Variants in MAP3K4 observed in about 807,000 individuals in gnomAD.
The protein encoded by MAP3K4 is MAP three kinase 1.
A neutral mutation model predicts 185.6 loss-of-function variants in MAP3K4; 67 were observed. The ratio of observed to expected loss-of-function variants is 0.36; its 90% CI spans 0.30 to 0.44. The LOEUF is 0.44. Among genes scored for constraint, MAP3K4 ranks in the 20% least tolerant of loss-of-function variants. The pLI, the probability that MAP3K4 is intolerant of heterozygous loss-of-function variation, is 1.00. For synonymous variants in MAP3K4, 702 were observed against 710.4 expected (o/e 0.99, Z 0.19); for missense variants, 1,551 against 1,995.1 (o/e 0.78, Z 4.24).
chr6:161,041,928 T>TC (rs1468570336), intron 2 of MAP3K4, among the ~76,000 whole-genome samples: 4 of 134,780 alleles, frequency 3.0e-5, no homozygotes, highest in Non-Finnish European at 6.3e-5. Flanking sequence ...TTTTTTTTCT[T>TC]TTTTTTTTTT....
intron 6 of MAP3K4, among the ~76,000 whole-genome samples, chr6:161,081,531 T>C (rs552749942): frequency 4.6e-5 from 7 of 152,308 alleles, no homozygotes; most frequent in Non-Finnish European, 8.8e-5. Flanking sequence ...ACTGCCACTG[T>C]TTGGGGAATG....
Position 161,061,209 on chromosome 6 carries a change from AC to A in MAP3K4, c.1708-9397del, listed in dbSNP as rs1784473318. Among the ~76,000 whole-genome samples, 1 of 152,232 alleles carries A rather than the reference AC, an allele frequency of 6.6e-6. No homozygotes were observed. The highest frequency in any genetic ancestry group is 1.5e-5 in the Non-Finnish European group (1 of 68,036). On this transcript the variant is annotated intron_variant, in intron 3 of 26. Coordinates refer to ENST00000392142, the MANE Select transcript of MAP3K4 (RefSeq NM_005922.4). The surrounding 1 kb of genome is among the most constrained non-coding windows in gnomAD (Gnocchi z 4.2). ...ATTGAGAAGCCCAATGTTCTGTGATACCAGGTGTGACAGAATATCAGATACT... is the reference window on the plus strand; with the variant it reads ...ATTGAGAAGCCCAATGTTCTGTGATACAGGTGTGACAGAATATCAGATACT...
chr6:161,018,354 A>G (rs1215886889), intron 1 of MAP3K4, among the ~76,000 whole-genome samples: 1 of 152,198 alleles, frequency 6.6e-6, no homozygotes, highest in East Asian at 1.9e-4. Flanking sequence ...GAGCTGTGAA[A>G]AGTTTGCAGA....
chr6:161,010,885 C>A (rs1355632312), intron 1 of MAP3K4, among the ~76,000 whole-genome samples: 1 of 151,832 alleles, frequency 6.6e-6, no homozygotes, highest in African/African-American at 2.4e-5. Context: ...TTTGGGTGTG[C>A]TTTTTTTTGA....
chr6:161,050,005 A>G (rs780754973), intron 3 of MAP3K4, 26 bp downstream of exon 3: 1 of 1,552,072 alleles, frequency 6.4e-7, no homozygotes, highest in East Asian at 2.2e-5. Flanking sequence ...GTATTAATAC[A>G]ATGATATCCT....
At chr6:161,025,728 C>A (rs994861706) in intron 1 of MAP3K4, among the ~76,000 whole-genome samples, 1 of 152,096 alleles carries the variant, frequency 6.6e-6, no homozygotes, top group African/African-American at 2.4e-5. Flanking sequence ...TTCTTATTTG[C>A]GAGAAGAGTG....
rs1777815332 is a variant in MAP3K4, at chr6:161,100,944, A to G, written c.3675-948A>G. 1 of 152,192 alleles carries G rather than the reference A, an allele frequency of 6.6e-6. No individual in the cohort carries two copies. The highest frequency in any genetic ancestry group is 2.1e-4 in the South Asian group (1 of 4,828). The allele number at this position is 152,192 out of a possible 1,614,324, so 9.4% of individuals were successfully genotyped here. ...ATACTAGATTTGAGGGCTTAGGGAA[A>G]TACCAGAAAAAAATGCATATTTTAT... On this transcript the variant is annotated intron_variant, in intron 17 of 26. Coordinates refer to ENST00000392142, the MANE Select transcript of MAP3K4 (RefSeq NM_005922.4). This position sits in a 1 kb window ranked among gnomAD's most constrained non-coding sequence, Gnocchi z 5.8.
At position 161,049,969 on chromosome 6, in the gene MAP3K4, G is replaced by A. The variant is rs55765351; in HGVS notation, c.1697G>A (p.Arg566His). 7.5e-6 allele frequency: 12 copies of A among 1,603,100 alleles called. No homozygotes were observed. Among genetic ancestry groups the A allele is most frequent in the South Asian group, 6.7e-5 (6 of 88,962 alleles). The part of the protein sequence containing the change: ...RARIALVKND[R>H]PVEFSEFPDP... ...CGTATAGCATTGGTAAAGAACGATCGTCCAGTGGAGGTAGGTTTCCAGTAG... is the reference window on the plus strand; with the variant it reads ...CGTATAGCATTGGTAAAGAACGATCATCCAGTGGAGGTAGGTTTCCAGTAG... The change falls in exon 3 of 27, where the codon CGT (arginine) becomes CAT (histidine). Residue 566 changes from arginine (R) to histidine (H), a missense_variant. This residue lies in a region of MAP3K4 where 86 missense variants were observed against 81.6 expected (regional missense o/e 1.05). Coordinates refer to ENST00000392142, the MANE Select transcript of MAP3K4 (RefSeq NM_005922.4). This position sits in a 1 kb window ranked among gnomAD's most constrained non-coding sequence, Gnocchi z 8.4.
chr6:161,066,113 T>G (rs1438008699), intron 3 of MAP3K4, among the ~76,000 whole-genome samples: 1 of 152,124 alleles, frequency 6.6e-6, no homozygotes, highest in Non-Finnish European at 1.5e-5. Flanking sequence ...TTCTCTTTGT[T>G]TGCTATTTTT....
In MAP3K4 at chr6:160,991,775, C is replaced by A; in HGVS notation, c.-157C>A. 1.3e-6 allele frequency: 1 copy of A among 798,826 alleles called. No homozygotes were observed. Among genetic ancestry groups the A allele is most frequent in the Non-Finnish European group, 1.8e-6 (1 of 564,698 alleles). The allele number at this position is 798,826 out of a possible 1,614,324, so 49.5% of individuals were successfully genotyped here. A position where few individuals can be genotyped will look rare whatever the true frequency, so the allele number is the denominator to read the frequency against. ...CGCCCACCGTAGCCCCGGCGCTCGG[C>A]CGGTCGCCGTTTCCAAGATGGCCGC... is the stretch of plus-strand genomic sequence containing the variant. On this transcript the variant is annotated 5_prime_UTR_variant, in exon 1 of 27. Transcript: ENST00000392142. The surrounding 1 kb of genome is among the most constrained non-coding windows in gnomAD (Gnocchi z 5.7).
At position 160,995,378 on chromosome 6, in the gene MAP3K4, G is replaced by A. The variant is rs562074201; in HGVS notation, c.152+3295G>A. Among the ~76,000 whole-genome samples, 4 of 152,360 alleles carry A rather than the reference G, an allele frequency of 2.6e-5. No individual in the cohort carries two copies. In the Middle Eastern group the frequency reaches 0.01, roughly 389 times the overall value. On this transcript the variant is annotated intron_variant, in intron 1 of 26. Coordinates refer to ENST00000392142, the MANE Select transcript of MAP3K4 (RefSeq NM_005922.4). ...CTTTATGTCTGTGTGTCATTGATTA[G>A]GAAGGTTGTGTTAATGCACAGGCCT...
In MAP3K4 at chr6:161,022,930, G is replaced by A. The variant is rs1412913326; in HGVS notation, c.153-11329G>A. On this transcript the variant is annotated intron_variant, in intron 1 of 26. Transcript: ENST00000392142. The surrounding 1 kb of genome is among the most constrained non-coding windows in gnomAD (Gnocchi z 4.2). Reference sequence around the variant, plus strand: ...ACGGTAGCAATTATACTGTTACAGTGAAAATTCTTCATAACTTAATGGGTA... The same window carrying A: ...ACGGTAGCAATTATACTGTTACAGTAAAAATTCTTCATAACTTAATGGGTA... Among the ~76,000 whole-genome samples the A allele has an allele frequency of 6.6e-6, 1 of 152,120 alleles. No homozygotes were observed. Among genetic ancestry groups the A allele is most frequent in the Admixed American group, 6.5e-5 (1 of 15,280 alleles).
chr6:161,088,448 G>A lies in MAP3K4; in HGVS notation c.2823+494G>A, dbSNP rs1052981967. ...CTGTGTTCAGCTTAGGAACAGTCAT[G>A]GTGAGTGTTCATATGCACCTTGAGC... On this transcript the variant is annotated intron_variant, in intron 10 of 26. Transcript: ENST00000392142. The surrounding 1 kb of genome is among the most constrained non-coding windows in gnomAD (Gnocchi z 4.5). Among the ~76,000 whole-genome samples, 1 of 152,120 alleles carries A rather than the reference G, an allele frequency of 6.6e-6. No individual in the cohort carries two copies. Among genetic ancestry groups the A allele is most frequent in the African/African-American group, 2.4e-5 (1 of 41,424 alleles).
At chr6:161,102,095 T>G in intron 18 of MAP3K4, 103 bp downstream of exon 18, 1 of 899,174 alleles carries the variant, frequency 1.1e-6, no homozygotes, top group South Asian at 1.6e-5. Flanking sequence ...CCTTGAAGAT[T>G]CCTTTTTTTG....
At position 161,067,235 on chromosome 6, in the gene MAP3K4, A is replaced by T. The variant is rs1294141166; in HGVS notation, c.1708-3373A>T. On this transcript the variant is annotated intron_variant, in intron 3 of 26. Transcript: ENST00000392142. This position sits in a 1 kb window ranked among gnomAD's most constrained non-coding sequence, Gnocchi z 6.3. Reference sequence around the variant, plus strand: ...ACATCAATCAATATATGTAAGATGTACATTGGTTCCATCCAGAAAGACAGG... The same window carrying T: ...ACATCAATCAATATATGTAAGATGTTCATTGGTTCCATCCAGAAAGACAGG... The T allele has an allele frequency of 2.3e-6, 1 of 439,620 alleles. No individual in the cohort carries two copies. The highest frequency in any genetic ancestry group is 7.7e-5 in the East Asian group (1 of 13,052). The allele number at this position is 439,620 out of a possible 1,614,324, so 27.2% of individuals were successfully genotyped here. A position where few individuals can be genotyped will look rare whatever the true frequency, so the allele number is the denominator to read the frequency against.
chr6:161,102,780 G>A lies in MAP3K4; in HGVS notation c.3856+1G>A. 1 of 1,349,998 alleles carries A rather than the reference G, an allele frequency of 7.4e-7. No individual in the cohort carries two copies. Among genetic ancestry groups the A allele is most frequent in the Non-Finnish European group, 1.0e-6 (1 of 971,834 alleles). The allele number at this position is 1,349,998 out of a possible 1,614,324, so 83.6% of individuals were successfully genotyped here. On this transcript the variant is annotated splice_donor_variant, in intron 19 of 26. Transcript: ENST00000392142. LOFTEE classifies it high-confidence loss of function. ...CGGACACTAATCAGCCAGAGTAAAGGTGAGAGAAAGAGTGTTGAAGTTAAA... is the reference window on the plus strand; with the variant it reads ...CGGACACTAATCAGCCAGAGTAAAGATGAGAGAAAGAGTGTTGAAGTTAAA...
At chr6:161,011,540 C>T (rs966034713) in intron 1 of MAP3K4, among the ~76,000 whole-genome samples, 1 of 152,036 alleles carries the variant, frequency 6.6e-6, no homozygotes, top group African/African-American at 2.4e-5. Flanking sequence ...ACTTAATTAT[C>T]TGAAAAAGTA....
Position 161,070,623 on chromosome 6 carries a change from G to C in MAP3K4, c.1723G>C (p.Asp575His), listed in dbSNP as rs749625249. The change falls in exon 4 of 27, where the codon GAT (aspartate) becomes CAT (histidine). Residue 575 changes from aspartate to histidine, a missense_variant. Physicochemically the swap from Asp to His is moderately conservative, Grantham distance 81 (BLOSUM62 -1). Around this residue, in one of 16 missense-constraint regions of MAP3K4, gnomAD observed 86 missense variants for 81.6 expected, o/e 1.05. Coordinates refer to ENST00000392142, the MANE Select transcript of MAP3K4 (RefSeq NM_005922.4). The surrounding 1 kb of genome is among the most constrained non-coding windows in gnomAD (Gnocchi z 4.5). Reference sequence around the variant, plus strand: ...TTTGTTATAGTTTTCTGAATTTCCAGATCCCATGTGGGGTTCAGATTATGT... The same window carrying C: ...TTTGTTATAGTTTTCTGAATTTCCACATCCCATGTGGGGTTCAGATTATGT... ...DRPVEFSEFPDPMWGSDYVQL... is the reference protein window; with the variant it reads ...DRPVEFSEFPHPMWGSDYVQL... 1 of 1,612,974 alleles carries C rather than the reference G, an allele frequency of 6.2e-7. No individual in the cohort carries two copies. Among genetic ancestry groups the C allele is most frequent in the South Asian group, 1.1e-5 (1 of 90,886 alleles).
intron 1 of MAP3K4, among the ~76,000 whole-genome samples, chr6:160,992,914 G>A (rs1780805177): frequency 6.6e-6 from 1 of 151,606 alleles, no homozygotes; most frequent in South Asian, 2.1e-4. Flanking sequence ...CTTACTCCCT[G>A]TCCTTTGCAT....
Sources: allele counts gnomAD v4.1 joint callset (sites outside exome capture counted in the v4.1 genomes callset), GRCh38; gene constraint gnomAD v4.1.1; regional missense constraint gnomAD v4.1.1; non-coding constraint Gnocchi (gnomAD v3.1); transcripts MANE v1.5; gene names NCBI Gene and HGNC (gene_info 2026-07-23, HGNC 2026-07-21).